GRHL2: variants seen among roughly 807,000 people sequenced by gnomAD.
GRHL2 encodes the protein grainyhead-like protein 2 homolog.
A neutral mutation model predicts 83.8 loss-of-function variants in GRHL2; 21 were observed. The observed-to-expected ratio is 0.25, with a 90% CI of 0.18 to 0.36. GRHL2 has a LOEUF of 0.36. GRHL2 is among the 10% of genes least tolerant of loss of function. The probability of loss-of-function intolerance (pLI) is 1.00; values close to 1 mark genes in which losing one functional copy is unlikely to be tolerated. For synonymous variants in GRHL2, 280 were observed against 278.9 expected (o/e 1.00, Z -0.04); for missense variants, 623 against 781.8 (o/e 0.80, Z 2.42).
At position 101,637,138 on chromosome 8, in the gene GRHL2, C is replaced by T. The variant is rs559598834; in HGVS notation, c.1517+210C>T. The stretch of plus-strand genomic sequence containing the variant: ...AGCTTTCTACTTCCAGGATTCTTTC[C>T]CCACCCGCTTCCTCCCTAAGACCCA... On this transcript the variant is annotated intron_variant, in intron 12 of 15. Transcript: ENST00000646743. Among the ~76,000 whole-genome samples, 36 of 152,192 alleles carry T rather than the reference C, an allele frequency of 2.4e-4. No homozygotes were observed. In the South Asian group the frequency reaches 7.5e-3, roughly 32 times the overall value.
chr8:101,613,820 G>A (rs1300294266), intron 8 of GRHL2, among the ~76,000 whole-genome samples: 1 of 150,902 alleles, frequency 6.6e-6, no homozygotes, highest in African/African-American at 2.5e-5. Flanking sequence ...TAATTTAGAG[G>A]CTTCTCCTGT....
chr8:101,530,186 G>A (rs1810895188), intron 1 of GRHL2, among the ~76,000 whole-genome samples: 1 of 152,152 alleles, frequency 6.6e-6, no homozygotes, highest in African/African-American at 2.4e-5. Context: ...CACCAAAGGT[G>A]GGGTGCAGCC....
At chr8:101,582,616 G>A (rs1812079870) in intron 7 of GRHL2, among the ~76,000 whole-genome samples, 1 of 152,182 alleles carries the variant, frequency 6.6e-6, no homozygotes, top group East Asian at 1.9e-4. Context: ...CTGAGTGTTA[G>A]AGGTTCATTG....
At chr8:101,544,667 G>T (rs1368475577) in intron 2 of GRHL2, among the ~76,000 whole-genome samples, 1 of 152,196 alleles carries the variant, frequency 6.6e-6, no homozygotes, top group Admixed American at 6.5e-5. Flanking sequence ...TGGGCACAAT[G>T]AACTCTTATT....
At chr8:101,540,561 C>G (rs1262166469) in intron 1 of GRHL2, among the ~76,000 whole-genome samples, 1 of 152,230 alleles carries the variant, frequency 6.6e-6, no homozygotes, top group Non-Finnish European at 1.5e-5. Flanking sequence ...GAATTCCACT[C>G]TGCTAAACGT....
intron 9 of GRHL2, among the ~76,000 whole-genome samples, chr8:101,622,037 C>T (rs149538801): frequency 6.8e-4 from 103 of 152,128 alleles, no homozygotes; most frequent in African/African-American, 2.4e-3. Flanking sequence ...TTAAACAGCC[C>T]ACCACCCACT....
At chr8:101,563,996 T>C (rs915528558) in intron 4 of GRHL2, among the ~76,000 whole-genome samples, 1 of 152,192 alleles carries the variant, frequency 6.6e-6, no homozygotes, top group Non-Finnish European at 1.5e-5. Flanking sequence ...ATTTGGGGGA[T>C]GTGTTATCAG....
Position 101,492,651 on chromosome 8 carries a change from T to C in GRHL2, c.-119T>C, listed in dbSNP as rs572144595. The C allele has an allele frequency of 2.4e-6, 2 of 832,108 alleles. No homozygotes were observed. Among genetic ancestry groups the C allele is most frequent in the East Asian group, 2.4e-5 (1 of 41,460 alleles). 51.5% of individuals were successfully genotyped at this position (832,108 alleles called of 1,614,324 possible). A position where few individuals can be genotyped will look rare whatever the true frequency, so the allele number is the denominator to read the frequency against. On this transcript the variant is annotated 5_prime_UTR_variant, in exon 1 of 16. Transcript: ENST00000646743. ...GGGGACGGAAAAGCAGAATTACCTG[T>C]AGCTCTTGTTCTGCCATCTCGGGCG... is the stretch of plus-strand genomic sequence containing the variant.
chr8:101,642,289 C>A (rs1365791971), intron 12 of GRHL2, among the ~76,000 whole-genome samples: 3 of 152,152 alleles, frequency 2.0e-5, no homozygotes, highest in Non-Finnish European at 4.4e-5. Flanking sequence ...TGTGGTTTAT[C>A]CAAGATGTTA....
chr8:101,540,329 C>T (rs1295908002), intron 1 of GRHL2, among the ~76,000 whole-genome samples: 3 of 152,180 alleles, frequency 2.0e-5, no homozygotes, highest in Non-Finnish European at 2.9e-5. Context: ...AAATGGTGAA[C>T]AAATACTTAC....
intron 5 of GRHL2, among the ~76,000 whole-genome samples, chr8:101,571,104 C>G (rs1057423876): frequency 6.6e-6 from 1 of 152,092 alleles, no homozygotes; most frequent in Non-Finnish European, 1.5e-5. Flanking sequence ...TGATGACAGA[C>G]AAATTGAAAA....
downstream of GRHL2, among the ~76,000 whole-genome samples, chr8:101,671,592 T>C (rs568351955): frequency 2.6e-5 from 4 of 152,296 alleles, no homozygotes. Context: ...CCTGCCTCTG[T>C]AGGCTCCACC....
chr8:101,597,091 GA>G (rs1178357344), intron 7 of GRHL2, among the ~76,000 whole-genome samples: 1 of 152,190 alleles, frequency 6.6e-6, no homozygotes, highest in Non-Finnish European at 1.5e-5. Flanking sequence ...AGAAAGTAGA[GA>G]GAAAAAGGGA....
intron 14 of GRHL2, among the ~76,000 whole-genome samples, chr8:101,661,029 C>T (rs559576307): frequency 6.6e-6 from 1 of 152,312 alleles, no homozygotes; most frequent in South Asian, 2.1e-4. Flanking sequence ...CCCTATGTGC[C>T]GAGCTTGTCC....
At chr8:101,564,890 T>C (rs1212605206) in intron 4 of GRHL2, among the ~76,000 whole-genome samples, 4 of 152,132 alleles carry the variant, frequency 2.6e-5, no homozygotes, top group Admixed American at 2.6e-4. Context: ...ATCCTCTTTG[T>C]AATAACATTT....
intron 7 of GRHL2, among the ~76,000 whole-genome samples, chr8:101,594,093 AAAAAAG>A (rs78460410): frequency 1.8e-5 from 2 of 112,748 alleles, no homozygotes; most frequent in African/African-American, 7.0e-5. Flanking sequence ...AAAAAAAAAA[AAAAAAG>A]AGAGAGATAG....
intron 1 of GRHL2, among the ~76,000 whole-genome samples, chr8:101,499,085 A>AG (rs1183803112): frequency 1.3e-5 from 2 of 152,112 alleles, no homozygotes; most frequent in African/African-American, 4.8e-5. Context: ...AAAAAAAAAA[A>AG]AAAGTACTTG....
chr8:101,557,328 G>T (rs1811509578), intron 3 of GRHL2, among the ~76,000 whole-genome samples: 1 of 149,490 alleles, frequency 6.7e-6, no homozygotes, highest in Non-Finnish European at 1.5e-5. Context: ...GGGTTCAAGT[G>T]ATTCTCCCAC....
At chr8:101,632,400 A>G in intron 11 of GRHL2, 35 bp downstream of exon 11, 2 of 1,613,308 alleles carry the variant, frequency 1.2e-6, no homozygotes, top group Non-Finnish European at 1.7e-6. Flanking sequence ...CCTCCCATCC[A>G]TCCACAGGGC....
Sources: gnomAD v4.1 joint callset for allele counts (sites outside exome capture counted in the v4.1 genomes callset) on GRCh38, gnomAD v4.1.1 for gene constraint, MANE v1.5 for transcripts, NCBI Gene and HGNC (gene_info 2026-07-23, HGNC 2026-07-21) for gene names.